The following WDR93 variants were observed in gnomAD, a reference collection of about 807,000 sequenced individuals.
The protein encoded by WDR93 is WD repeat-containing protein 93.
Under a neutral mutation model 82.9 loss-of-function variants are expected in WDR93, and 73 were observed. The ratio of observed to expected loss-of-function variants is 0.88; its 90% CI spans 0.73 to 1.07. The LOEUF is 1.07. Among genes scored for constraint, WDR93 ranks in the 50% least tolerant of loss-of-function variants. The pLI, the probability that WDR93 is intolerant of heterozygous loss-of-function variation, is 0.00. For missense variants in WDR93, 738 were observed against 826.0 expected, an observed-to-expected ratio of 0.89 and a Z score of 1.31; for synonymous variants, 283 against 300.1, an observed-to-expected ratio of 0.94 and a Z score of 0.59.
At chr15:89,724,420 C>T (rs1250864654) in intron 8 of WDR93, among the ~76,000 whole-genome samples, 1 of 151,484 alleles carries the variant, frequency 6.6e-6, no homozygotes, top group Admixed American at 6.6e-5. Flanking sequence ...TCAAATAAGA[C>T]ACAAAAAGTA....
At chr15:89,717,035 C>G in intron 7 of WDR93, 86 bp downstream of exon 7, 1 of 346,082 alleles carries the variant, frequency 2.9e-6, no homozygotes, top group South Asian at 8.2e-5. Context: ...CTTTTCTTTT[C>G]TTTTTCTTTC....
intron 8 of WDR93, among the ~76,000 whole-genome samples, chr15:89,723,317 C>CA (rs1485659365): frequency 6.6e-6 from 1 of 151,696 alleles, no homozygotes; most frequent in East Asian, 1.9e-4. Context: ...TGGCTTAAGC[C>CA]TATAACCCTA....
intron 16 of WDR93, among the ~76,000 whole-genome samples, chr15:89,742,624 C>T (rs1967771402): frequency 6.6e-6 from 1 of 152,138 alleles, no homozygotes; most frequent in African/African-American, 2.4e-5. Context: ...ACCTCCATCT[C>T]CCAGATTCAA....
rs1359322091 is a variant in WDR93, at chr15:89,729,078, G to A, written c.1108G>A (p.Val370Ile). ...PSCLFAMPPEVKGPSGMACVL... is the reference protein window; with the variant it reads ...PSCLFAMPPEIKGPSGMACVL... ...CTGCCTATTTGCAATGCCACCGGAA[G>A]TCAAGGGCCCCTCAGGTAAATGAAC... Residue 370 changes from valine (V) to isoleucine (I), a missense_variant, in exon 10 of 17, where the codon GTC (valine) becomes ATC (isoleucine). Coordinates refer to ENST00000268130, the MANE Select transcript of WDR93 (RefSeq NM_020212.2). 6.2e-7 allele frequency: 1 copy of A among 1,614,130 alleles called. No individual in the cohort carries two copies. Among genetic ancestry groups the A allele is most frequent in the Non-Finnish European group, 8.5e-7 (1 of 1,179,986 alleles).
chr15:89,702,992 G>A lies in WDR93; in HGVS notation c.346G>A (p.Val116Met), dbSNP rs1390294730. ...PNCMAVSQDYVFIGGAKGFSI... is the reference protein window; with the variant it reads ...PNCMAVSQDYMFIGGAKGFSI... ...TTGTATGGCTGTTTCCCAAGACTAT[G>A]TGTTTATTGGAGGAGCCAAAGGATT... Residue 116 changes from valine (V) to methionine (M), a missense_variant, in exon 3 of 17, where the codon GTG becomes ATG. Val to Met is a conservative substitution (Grantham distance 21). Coordinates refer to ENST00000268130, the MANE Select transcript of WDR93 (RefSeq NM_020212.2). The A allele has an allele frequency of 1.2e-6, 2 of 1,614,154 alleles. No individual in the cohort carries two copies. Among genetic ancestry groups the A allele is most frequent in the Admixed American group, 1.7e-5 (1 of 60,016 alleles).
At chr15:89,711,525 CAAA>C (rs541710221) in intron 4 of WDR93, among the ~76,000 whole-genome samples, 7 of 132,196 alleles carry the variant, frequency 5.3e-5, no homozygotes, top group Admixed American at 7.9e-5. Context: ...TAGCGAGTCT[CAAA>C]AAAAAAAAAA....
chr15:89,697,612 G>A (rs1965246098), intron 1 of WDR93, among the ~76,000 whole-genome samples: 1 of 152,174 alleles, frequency 6.6e-6, no homozygotes, highest in South Asian at 2.1e-4. Context: ...GCAATCTGCT[G>A]TTTTGGGTAG....
At chr15:89,696,897 T>A (rs540342514) in intron 1 of WDR93, among the ~76,000 whole-genome samples, 1 of 152,294 alleles carries the variant, frequency 6.6e-6, no homozygotes, top group African/African-American at 2.4e-5. Flanking sequence ...TGTTCAGCAT[T>A]TTCAACAGCA....
rs1966772989 is a variant in WDR93 at position 89,727,218 on chromosome 15, C to T, written c.942C>T (p.Gly314=). The T allele has an allele frequency of 6.2e-7, 1 of 1,614,188 alleles. No individual in the cohort carries two copies. The highest frequency in any genetic ancestry group is 8.5e-7 in the Non-Finnish European group (1 of 1,180,030). Reference sequence around the variant, plus strand: ...AGATCAAGGACTGCTACGGACTGGGCTCCGGGCAGAATCATTTCATCAAGG... The same window carrying T: ...AGATCAAGGACTGCTACGGACTGGGTTCCGGGCAGAATCATTTCATCAAGG... ...FAKIKDCYGL[G]SGQNHFIKDS... The change falls in exon 9 of 17, where the codon GGC becomes GGT. Residue 314 remains glycine, a synonymous_variant. Coordinates refer to ENST00000268130, the MANE Select transcript of WDR93 (RefSeq NM_020212.2).
At chr15:89,736,075 A>G (rs1225681714) in intron 14 of WDR93, among the ~76,000 whole-genome samples, 1 of 152,182 alleles carries the variant, frequency 6.6e-6, no homozygotes, top group East Asian at 1.9e-4. Flanking sequence ...ACTGCGCAGA[A>G]GGATACAGAT....
In WDR93 at chr15:89,705,583, G is replaced by A. The variant is rs766725975; in HGVS notation, c.526G>A (p.Glu176Lys). The A allele has an allele frequency of 1.3e-6, 2 of 1,570,752 alleles. No individual in the cohort carries two copies. The highest frequency in any genetic ancestry group is 1.8e-6 in the Non-Finnish European group (2 of 1,140,530). Residue 176 changes from glutamate to lysine, a missense_variant, in exon 4 of 17, where the codon GAA (glutamate) becomes AAA (lysine). Transcript: ENST00000268130. ...GIIRLFYFYKEGLYLVKAINE... is the reference protein window; with the variant it reads ...GIIRLFYFYKKGLYLVKAINE... ...CATTAGACTCTTTTATTTTTATAAG[G>A]AAGGACTTTACCTAGTCAAAGCCAT...
At chr15:89,736,512 T>C (rs1308544271) in intron 14 of WDR93, among the ~76,000 whole-genome samples, 3 of 152,030 alleles carry the variant, frequency 2.0e-5, no homozygotes, top group African/African-American at 7.2e-5. Context: ...CCATGGGCAC[T>C]ACCATCACTT....
intron 1 of WDR93, among the ~76,000 whole-genome samples, chr15:89,692,856 C>T (rs1009541151): frequency 6.6e-6 from 1 of 152,170 alleles, no homozygotes; most frequent in African/African-American, 2.4e-5. Context: ...GATCCACCTA[C>T]CTCGAGCTCC....
chr15:89,723,152 G>A (rs1027197049), intron 8 of WDR93, among the ~76,000 whole-genome samples: 3 of 152,072 alleles, frequency 2.0e-5, no homozygotes, highest in African/African-American at 7.2e-5. Flanking sequence ...AGTGAGCTGA[G>A]ATTGTGCCAT....
upstream of WDR93, chr15:89,690,773 C>A (rs564247505): frequency 1.0e-3 from 608 of 588,334 alleles, no homozygotes; most frequent in Non-Finnish European, 1.5e-3. Flanking sequence ...AGGGGGCGGG[C>A]ACACTTTCTG....
At chr15:89,732,969 C>G in intron 12 of WDR93, 37 bp from the exon 13 acceptor site, 1 of 1,604,452 alleles carries the variant, frequency 6.2e-7, no homozygotes. Flanking sequence ...CTCCCCTACC[C>G]CGTTTTCTGA....
At chr15:89,715,262 A>AT (rs1966196013) in intron 6 of WDR93, among the ~76,000 whole-genome samples, 167 bp downstream of exon 6, 1 of 152,092 alleles carries the variant, frequency 6.6e-6, no homozygotes, top group African/African-American at 2.4e-5. Flanking sequence ...TTAAAATAAG[A>AT]TATTAAAAAG....
intron 8 of WDR93, 28 bp downstream of exon 8, chr15:89,722,167 T>G: frequency 6.8e-7 from 1 of 1,466,834 alleles, no homozygotes; most frequent in African/African-American, 1.4e-5. Flanking sequence ...CTCTCTCCTT[T>G]TGCCATTGAT....
At chr15:89,738,659 A>G (rs577021836) in intron 16 of WDR93, among the ~76,000 whole-genome samples, 1 of 151,152 alleles carries the variant, frequency 6.6e-6, no homozygotes, top group South Asian at 2.1e-4. Flanking sequence ...ATTTCCCCTA[A>G]GTGAAGGGTT....
Sources: allele counts gnomAD v4.1 joint callset (sites outside exome capture counted in the v4.1 genomes callset), GRCh38; gene constraint gnomAD v4.1.1; transcripts MANE v1.5; gene names NCBI Gene and HGNC (gene_info 2026-07-23, HGNC 2026-07-21).